GREM1: variants seen among roughly 807,000 people sequenced by gnomAD.
GREM1 encodes gremlin-1.
In GREM1, 6 loss-of-function variants were observed where a neutral mutation model predicts 13.1. The ratio of observed to expected loss-of-function variants is 0.46; its 90% confidence interval spans 0.25 to 0.91. GREM1 has a LOEUF of 0.91. Among genes scored for constraint, GREM1 ranks in the 40% least tolerant of loss-of-function variants. GREM1 has a pLI of 0.18. For synonymous variants in GREM1, 98 were observed against 93.7 expected (o/e 1.05, Z -0.27); for missense variants, 185 against 233.9 (o/e 0.79, Z 1.36).
chr15:32,739,243 A>G lies in GREM1; in HGVS notation c.*7998A>G, dbSNP rs1041494882. On this transcript the variant is annotated 3_prime_UTR_variant, in exon 2 of 2. Transcript: ENST00000651154. ...TACCATTAGGGGAAGAAATTTTTCC[A>G]TGCTTCACAGAAACTCTCCTTATAC... The G allele has an allele frequency of 1.3e-5, 2 of 152,216 alleles. No homozygotes were observed. Among genetic ancestry groups the G allele is most frequent in the East Asian group, 3.8e-4 (2 of 5,200 alleles). 9.4% of individuals were successfully genotyped at this position (152,216 alleles called of 1,614,324 possible).
At chr15:32,729,005 T>C (rs927585060) in intron 1 of GREM1, among the ~76,000 whole-genome samples, 3 of 151,880 alleles carry the variant, frequency 2.0e-5, no homozygotes, top group Non-Finnish European at 4.4e-5. Context: ...GTCTGCACTT[T>C]CTTTTTTTTT....
In GREM1 at chr15:32,730,007, C is replaced by T. The variant is rs28564029; in HGVS notation, c.-1-683C>T. On this transcript the variant is annotated intron_variant, in intron 1 of 1. Transcript: ENST00000651154. ...TCTCCAATTGCTGTCACATTGACAT[C>T]GAGTTGGATCTGAACAGCGTACCTG... Among the ~76,000 whole-genome samples the T allele has an allele frequency of 0.066, 10,118 of 152,222 alleles. 420 individuals are homozygous for T. Among genetic ancestry groups the T allele is most frequent in the Non-Finnish European group, 0.1 (6,781 of 68,002 alleles).
Position 32,741,526 on chromosome 15 carries a change from G to T in GREM1, c.*10281G>T, listed in dbSNP as rs948712563. The T allele has an allele frequency of 6.6e-6, 1 of 150,750 alleles. No individual in the cohort carries two copies. Among genetic ancestry groups the T allele is most frequent in the African/African-American group, 2.4e-5 (1 of 40,956 alleles). 9.3% of individuals were successfully genotyped at this position (150,750 alleles called of 1,614,324 possible). ...CCATTGATTTTTGTATGTTGATTTT[G>T]TATCCTCCAACTTTACTGAATTTAT... On this transcript the variant is annotated 3_prime_UTR_variant, in exon 2 of 2. Transcript: ENST00000651154.
In GREM1 at chr15:32,730,679, C is replaced by T; in HGVS notation, c.-1-11C>T. On this transcript the variant is annotated splice_polypyrimidine_tract_variant and intron_variant, in intron 1 of 1. Coordinates refer to ENST00000651154, the MANE Select transcript of GREM1 (RefSeq NM_013372.7). ...TTTGTGTCTTCCCCTCTCTGTGCTT[C>T]CTTTCTTTAGTATGAGCCGCACAGC... 6.6e-7 allele frequency: 1 copy of T among 1,515,536 alleles called. No homozygotes were observed. The highest frequency in any genetic ancestry group is 8.8e-7 in the Non-Finnish European group (1 of 1,132,198). The allele number at this position is 1,515,536 out of a possible 1,614,324, so 93.9% of individuals were successfully genotyped here. A position where few individuals can be genotyped will look rare whatever the true frequency, so the allele number is the denominator to read the frequency against.
chr15:32,729,789 A>G (rs1435846072), intron 1 of GREM1, among the ~76,000 whole-genome samples: 2 of 152,244 alleles, frequency 1.3e-5, no homozygotes, highest in African/African-American at 4.8e-5. Context: ...TTGTATATAC[A>G]CAGACACATG....
Position 32,739,424 on chromosome 15 carries a change from AAAGAT to A in GREM1, c.*8183_*8187del, listed in dbSNP as rs1304609654. ...CTGGTTGCAAACAGTTTAAATGAGAAAAGATAAGGCCTGAATTAAGGCAGCAGCCC... is the reference window on the plus strand; with the variant it reads ...CTGGTTGCAAACAGTTTAAATGAGAAAAGGCCTGAATTAAGGCAGCAGCCC... On this transcript the variant is annotated 3_prime_UTR_variant, in exon 2 of 2. Coordinates refer to ENST00000651154, the MANE Select transcript of GREM1 (RefSeq NM_013372.7). The A allele has an allele frequency of 2.6e-5, 4 of 152,242 alleles. No individual in the cohort carries two copies. The highest frequency in any genetic ancestry group is 4.8e-5 in the African/African-American group (2 of 41,470). 9.4% of individuals were successfully genotyped at this position (152,242 alleles called of 1,614,324 possible).
Position 32,737,048 on chromosome 15 carries a change from A to G in GREM1, c.*5803A>G, listed in dbSNP as rs566570816. On this transcript the variant is annotated 3_prime_UTR_variant, in exon 2 of 2. Transcript: ENST00000651154. Reference sequence around the variant, plus strand: ...ATGCAGATGTCCACCACACCTATAAATAAACAAACTACTGAAACTGATTCA... The same window carrying G: ...ATGCAGATGTCCACCACACCTATAAGTAAACAAACTACTGAAACTGATTCA... 1 of 152,350 alleles carries G rather than the reference A, an allele frequency of 6.6e-6. No individual in the cohort carries two copies. The highest frequency in any genetic ancestry group is 2.4e-5 in the African/African-American group (1 of 41,566). The allele number at this position is 152,350 out of a possible 1,614,324, so 9.4% of individuals were successfully genotyped here.
rs2055651656 is a variant in GREM1, at chr15:32,733,236, C to T, written c.*1991C>T. The T allele has an allele frequency of 4.4e-6, 1 of 224,982 alleles. No individual in the cohort carries two copies. The highest frequency in any genetic ancestry group is 2.3e-5 in the African/African-American group (1 of 44,102). 13.9% of individuals were successfully genotyped at this position (224,982 alleles called of 1,614,324 possible). A position where few individuals can be genotyped will look rare whatever the true frequency, so the allele number is the denominator to read the frequency against. ...TCTTTGTATTGTCCACATTCTCCAA[C>T]AATAAAGCACAGAGTGGATTTAATT... On this transcript the variant is annotated 3_prime_UTR_variant, in exon 2 of 2. Transcript: ENST00000651154.
At chr15:32,727,850 GACAA>G (rs559431680) in intron 1 of GREM1, among the ~76,000 whole-genome samples, 53 of 152,152 alleles carry the variant, frequency 3.5e-4, no homozygotes, top group African/African-American at 1.1e-3. Context: ...ACCAATAATA[GACAA>G]ACAGCCAAAT....
Position 32,727,424 on chromosome 15 carries a change from G to A in GREM1, c.-1-3266G>A, listed in dbSNP as rs1166967894. Among the ~76,000 whole-genome samples, 3 of 152,098 alleles carry A rather than the reference G, an allele frequency of 2.0e-5. 1 individual carries two copies. The highest frequency in any genetic ancestry group is 4.1e-4 in the South Asian group (2 of 4,826). ...GATTATCTCAATAGATGCAGAAAAG[G>A]CCTTCGATAAAATTCAACACCCCTT... On this transcript the variant is annotated intron_variant, in intron 1 of 1. Transcript: ENST00000651154.
intron 1 of GREM1, among the ~76,000 whole-genome samples, chr15:32,729,081 T>TG (rs981165316): frequency 6.6e-6 from 1 of 151,874 alleles, no homozygotes; most frequent in Non-Finnish European, 1.5e-5. Flanking sequence ...TGGAGTGCAG[T>TG]GGCGCGATCT....
intron 1 of GREM1, among the ~76,000 whole-genome samples, chr15:32,724,139 C>T (rs1220002683): frequency 1.3e-5 from 2 of 152,278 alleles, no homozygotes; most frequent in South Asian, 4.1e-4. Context: ...GATATTTACT[C>T]AATAACAGAT....
At chr15:32,720,603 C>T (rs1172424221) in intron 1 of GREM1, among the ~76,000 whole-genome samples, 1 of 152,144 alleles carries the variant, frequency 6.6e-6, no homozygotes, top group Admixed American at 6.5e-5. Flanking sequence ...CCCGTGTCTT[C>T]GATCTGCAAG....
chr15:32,718,534 A>G (rs748569888), intron 1 of GREM1: 2 of 454,374 alleles, frequency 4.4e-6, no homozygotes, highest in South Asian at 1.6e-5. Flanking sequence ...AGAGCGCAGG[A>G]GCATCCGGAC....
chr15:32,724,446 A>T, intron 1 of GREM1, among the ~76,000 whole-genome samples: 1 of 152,196 alleles, frequency 6.6e-6, no homozygotes, highest in East Asian at 1.9e-4. Context: ...ATGGGGAGCA[A>T]CTGAATTGTG....
Position 32,731,498 on chromosome 15 carries a change from G to A in GREM1, c.*253G>A. The A allele has an allele frequency of 3.8e-6, 2 of 523,570 alleles. No homozygotes were observed. Among genetic ancestry groups the A allele is most frequent in the South Asian group, 5.7e-5 (2 of 34,906 alleles). 32.4% of individuals were successfully genotyped at this position (523,570 alleles called of 1,614,324 possible). ...ATTTTGTAAACATATCTGCTTTAAT[G>A]GGGATGTACCAGAAACCCACCTCAC... On this transcript the variant is annotated 3_prime_UTR_variant, in exon 2 of 2. Transcript: ENST00000651154.
chr15:32,724,778 C>T (rs184917215), intron 1 of GREM1, among the ~76,000 whole-genome samples: 17 of 152,038 alleles, frequency 1.1e-4, no homozygotes, highest in Non-Finnish European at 2.1e-4. Context: ...CCTAATGCTA[C>T]CCCTTCCCTA....
In GREM1 at chr15:32,739,632, C is replaced by T. The variant is rs1379609192; in HGVS notation, c.*8387C>T. On this transcript the variant is annotated 3_prime_UTR_variant, in exon 2 of 2. Transcript: ENST00000651154. Reference sequence around the variant, plus strand: ...GCTGGACCCTTCTTCAATCCACAAACACATCTATTCTGCAAAAATTCATGG... The same window carrying T: ...GCTGGACCCTTCTTCAATCCACAAATACATCTATTCTGCAAAAATTCATGG... 1 of 152,198 alleles carries T rather than the reference C, an allele frequency of 6.6e-6. No individual in the cohort carries two copies. Among genetic ancestry groups the T allele is most frequent in the Non-Finnish European group, 1.5e-5 (1 of 68,036 alleles). 9.4% of individuals were successfully genotyped at this position (152,198 alleles called of 1,614,324 possible).
intron 1 of GREM1, among the ~76,000 whole-genome samples, chr15:32,719,373 G>A (rs1379984485): frequency 6.6e-6 from 1 of 152,230 alleles, no homozygotes; most frequent in African/African-American, 2.4e-5. Context: ...GGCGGGGAGG[G>A]ACGGACGGCA....
Sources: allele counts gnomAD v4.1 joint callset (sites outside exome capture counted in the v4.1 genomes callset), GRCh38; gene constraint gnomAD v4.1.1; transcripts MANE v1.5; gene names NCBI Gene and HGNC (gene_info 2026-07-23, HGNC 2026-07-21).